The following CMTM4 variants were observed in gnomAD, a reference collection of about 807,000 sequenced individuals.
The protein encoded by CMTM4 is CKLF like MARVEL transmembrane domain containing 4.
CMTM4 carries 8 observed loss-of-function variants against 19.0 expected under a neutral mutation model. The observed-to-expected ratio is 0.42, with a 90% CI of 0.25 to 0.76. The LOEUF (loss-of-function observed/expected upper bound fraction) is 0.76, where lower values mean the gene tolerates loss of function less well. CMTM4 is among the 30% of genes least tolerant of loss of function. The pLI, the probability that CMTM4 is intolerant of heterozygous loss-of-function variation, is 0.27. For synonymous variants in CMTM4, 106 were observed against 121.1 expected, an observed-to-expected ratio of 0.88 and a Z score of 0.82; for missense variants, 228 against 290.2, an observed-to-expected ratio of 0.79 and a Z score of 1.56.
intron 1 of CMTM4, among the ~76,000 whole-genome samples, chr16:66,695,390 G>A (rs2017214611): frequency 6.6e-5 from 10 of 152,170 alleles, no homozygotes; most frequent in Admixed American, 6.5e-4. Flanking sequence ...CTCTGGCTAT[G>A]AGAAGTCTAT....
chr16:66,671,785 C>G (rs2016712105), intron 1 of CMTM4, among the ~76,000 whole-genome samples: 1 of 152,052 alleles, frequency 6.6e-6, no homozygotes, highest in East Asian at 1.9e-4. Flanking sequence ...AGAGGACAGA[C>G]AGACCAGTAA....
chr16:66,683,494 T>C (rs893220204), intron 1 of CMTM4, among the ~76,000 whole-genome samples: 1 of 151,248 alleles, frequency 6.6e-6, no homozygotes, highest in African/African-American at 2.4e-5. Context: ...GGTTTCACCA[T>C]GTTAGCCAGG....
At chr16:66,608,159 T>C in the CMTM4 span, 91 of 789,112 alleles carry the variant, frequency 1.2e-4, no homozygotes, top group Non-Finnish European at 6.2e-6. The surrounding 1 kb of genome is among the most constrained non-coding windows in gnomAD (Gnocchi z 5.1). Context: ...GATTCTAATC[T>C]GGCTCTGCCA....
intron 1 of CMTM4, among the ~76,000 whole-genome samples, chr16:66,646,433 G>A (rs2016200575): frequency 6.6e-6 from 1 of 151,946 alleles, no homozygotes; most frequent in Non-Finnish European, 1.5e-5. Context: ...CTGCATGTAT[G>A]TAAATATATC....
chr16:66,659,197 T>C (rs774936138), intron 1 of CMTM4, among the ~76,000 whole-genome samples: 9 of 151,844 alleles, frequency 5.9e-5, no homozygotes, highest in Non-Finnish European at 8.8e-5. Context: ...CTGGCCAATA[T>C]TGCGTTGTCA....
At chr16:66,683,169 ATATATACATATG>A (rs1325934575) in intron 1 of CMTM4, among the ~76,000 whole-genome samples, 3 of 84,462 alleles carry the variant, frequency 3.6e-5, no homozygotes, top group Non-Finnish European at 4.9e-5. Flanking sequence ...ACGTATATAT[ATATATACATATG>A]TATATATATA....
downstream of CMTM4, chr16:66,613,060 AG>A (rs890796951): frequency 2.7e-5 from 19 of 702,894 alleles, no homozygotes; most frequent in African/African-American, 2.1e-4. Flanking sequence ...CTGCCCCGCC[AG>A]GCCCCGGTGG....
chr16:66,613,383 C>T (rs1272670516), downstream of CMTM4: 4 of 444,304 alleles, frequency 9.0e-6, no homozygotes, highest in East Asian at 1.1e-4. Flanking sequence ...TCATGGGGAG[C>T]TGGGCGGGCC....
chr16:66,632,170 G>C (rs1057280499), intron 2 of CMTM4, among the ~76,000 whole-genome samples: 3 of 152,210 alleles, frequency 2.0e-5, no homozygotes, highest in Non-Finnish European at 1.5e-5. Flanking sequence ...TGCAAGGTGA[G>C]AGAGTATGGC....
intron 1 of CMTM4, among the ~76,000 whole-genome samples, chr16:66,681,694 C>T (rs1207027294): frequency 1.3e-5 from 2 of 152,340 alleles, no homozygotes; most frequent in East Asian, 3.9e-4. Flanking sequence ...TCAATAGCCA[C>T]AGTTATAACT....
the CMTM4 span, chr16:66,605,042 G>A: frequency 8.3e-7 from 1 of 1,209,218 alleles, no homozygotes; most frequent in Non-Finnish European, 1.1e-6. The surrounding 1 kb of genome is among the most constrained non-coding windows in gnomAD (Gnocchi z 4.6). Flanking sequence ...GTCCGGGGGC[G>A]GCCGCCGTGC....
chr16:66,620,470 A>AC lies in CMTM4; in HGVS notation c.*1587dup. 2.0e-6 allele frequency: 2 copies of AC among 982,778 alleles called. No homozygotes were observed. Among genetic ancestry groups the AC allele is most frequent in the Non-Finnish European group, 2.4e-6 (2 of 829,232 alleles). 60.9% of individuals were successfully genotyped at this position (982,778 alleles called of 1,614,324 possible). On this transcript the variant is annotated 3_prime_UTR_variant, in exon 4 of 4. Transcript: ENST00000394106. ...GTGCAGGAAGCTAACCCCAACTCCG[A>AC]CCCCCAGCCCAGCAGTGTTGCCTGA...
intron 1 of CMTM4, among the ~76,000 whole-genome samples, chr16:66,678,365 T>C (rs1055247464): frequency 1.3e-5 from 2 of 152,184 alleles, no homozygotes; most frequent in African/African-American, 2.4e-5. Context: ...TCCAACATGA[T>C]GAGCTGGATA....
rs1316255539 is a variant in CMTM4, at chr16:66,620,594, G to A, written c.*1464C>T. 7 of 985,248 alleles carry A rather than the reference G, an allele frequency of 7.1e-6. No homozygotes were observed. The highest frequency in any genetic ancestry group is 3.5e-5 in the African/African-American group (2 of 57,118). 61.0% of individuals were successfully genotyped at this position (985,248 alleles called of 1,614,324 possible). ...TGCACAGACCCCCCGCCGCCCCCTC[G>A]GAGTTATTTATTACACAGTACGCTG... is the stretch of plus-strand genomic sequence containing the variant. On this transcript the variant is annotated 3_prime_UTR_variant, in exon 4 of 4. Transcript: ENST00000394106.
intron 1 of CMTM4, among the ~76,000 whole-genome samples, chr16:66,658,922 A>G: frequency 6.6e-6 from 1 of 152,142 alleles, no homozygotes; most frequent in Non-Finnish European, 1.5e-5. Context: ...GGCTTCACTA[A>G]AAGCAAGACA....
rs1181170636 is a variant in CMTM4 at position 66,615,164 on chromosome 16, C to T, written c.*6894G>A. Reference sequence around the variant, plus strand: ...CTTTAAACTGCCGAAATGAAAGAGACTTGATGAGTAAAATGTGATAGTTGT... The same window carrying T: ...CTTTAAACTGCCGAAATGAAAGAGATTTGATGAGTAAAATGTGATAGTTGT... On this transcript the variant is annotated 3_prime_UTR_variant, in exon 4 of 4. Transcript: ENST00000394106. This position sits in a 1 kb window ranked among gnomAD's most constrained non-coding sequence, Gnocchi z 4.9. 1 of 152,240 alleles carries T rather than the reference C, an allele frequency of 6.6e-6. No homozygotes were observed. The allele number at this position is 152,240 out of a possible 1,614,324, so 9.4% of individuals were successfully genotyped here.
chr16:66,615,460 G>A lies in CMTM4; in HGVS notation c.*6598C>T, dbSNP rs1307812835. Reference sequence around the variant, plus strand: ...AGCAAAAGGAGCCGGTGAAGAGTACGTGTCTGTGTCTTGGTGTCATCTAGC... The same window carrying A: ...AGCAAAAGGAGCCGGTGAAGAGTACATGTCTGTGTCTTGGTGTCATCTAGC... On this transcript the variant is annotated 3_prime_UTR_variant, in exon 4 of 4. Coordinates refer to ENST00000394106, the MANE Select transcript of CMTM4 (RefSeq NM_181521.3). This position sits in a 1 kb window ranked among gnomAD's most constrained non-coding sequence, Gnocchi z 4.9. 1.3e-5 allele frequency: 2 copies of A among 152,358 alleles called. No homozygotes were observed. Among genetic ancestry groups the A allele is most frequent in the East Asian group, 1.9e-4 (1 of 5,190 alleles). 9.4% of individuals were successfully genotyped at this position (152,358 alleles called of 1,614,324 possible). A position where few individuals can be genotyped will look rare whatever the true frequency, so the allele number is the denominator to read the frequency against.
Position 66,696,328 on chromosome 16 carries a change from C to T in CMTM4, c.186+12G>A. 2.9e-6 allele frequency: 4 copies of T among 1,378,614 alleles called. No individual in the cohort carries two copies. Among genetic ancestry groups the T allele is most frequent in the Non-Finnish European group, 3.7e-6 (4 of 1,066,840 alleles). The allele number at this position is 1,378,614 out of a possible 1,614,324, so 85.4% of individuals were successfully genotyped here. A position where few individuals can be genotyped will look rare whatever the true frequency, so the allele number is the denominator to read the frequency against. On this transcript the variant is annotated intron_variant, in intron 1 of 3. Coordinates refer to ENST00000394106, the MANE Select transcript of CMTM4 (RefSeq NM_181521.3). This position sits in a 1 kb window ranked among gnomAD's most constrained non-coding sequence, Gnocchi z 4.3. ...CCGCCCTCGGGCACCTGGGGCCCCG[C>T]CCGGCACCTACCACTTGGGCGACCT...
chr16:66,601,083 TTGTG>T, the CMTM4 span, among the ~76,000 whole-genome samples: 711 of 146,762 alleles, frequency 4.8e-3, 2 homozygotes, highest in African/African-American at 0.015. Context: ...CTCCCATGGT[TTGTG>T]TGTGTGTGTG....
Sources: gnomAD v4.1 joint callset for allele counts (sites outside exome capture counted in the v4.1 genomes callset) on GRCh38, gnomAD v4.1.1 for gene constraint, Gnocchi (gnomAD v3.1) non-coding constraint, MANE v1.5 for transcripts, NCBI Gene and HGNC (gene_info 2026-07-23, HGNC 2026-07-21) for gene names.